The following CD47 variants were observed in gnomAD, a reference collection of about 807,000 sequenced individuals.
The protein encoded by CD47 is leukocyte surface antigen CD47.
In CD47, 11 loss-of-function variants were observed where a neutral mutation model predicts 44.6. The ratio of observed to expected loss-of-function variants is 0.25; its 90% CI spans 0.16 to 0.41. The LOEUF (loss-of-function observed/expected upper bound fraction) is 0.41. Ranked by LOEUF, CD47 falls within the 10% of genes least tolerant of loss-of-function variation. CD47 has a pLI of 1.00. For missense variants in CD47, 306 were observed against 386.7 expected, an observed-to-expected ratio of 0.79 and a Z score of 1.75; for synonymous variants, 140 against 136.3, an observed-to-expected ratio of 1.03 and a Z score of -0.19.
At chr3:108,064,440 A>T (rs1302242356) in intron 3 of CD47, among the ~76,000 whole-genome samples, 3 of 152,218 alleles carry the variant, frequency 2.0e-5, no homozygotes, top group African/African-American at 7.2e-5. Context: ...AAAACAGCTA[A>T]TGTTATGAAT....
chr3:108,070,759 G>T (rs1469992472), intron 3 of CD47, among the ~76,000 whole-genome samples: 2 of 152,174 alleles, frequency 1.3e-5, no homozygotes, highest in East Asian at 3.8e-4. Context: ...GTCACCACCT[G>T]TTTACCTAAT....
chr3:108,081,465 A>C (rs553985132), intron 1 of CD47, among the ~76,000 whole-genome samples: 1 of 152,182 alleles, frequency 6.6e-6, no homozygotes, highest in Admixed American at 6.6e-5. Context: ...TGGAATAAAA[A>C]TCAGAGGCAT....
At chr3:108,057,321 T>C (rs950078310) in intron 7 of CD47, among the ~76,000 whole-genome samples, 156 bp downstream of exon 7, 9 of 152,154 alleles carry the variant, frequency 5.9e-5, no homozygotes, top group Non-Finnish European at 1.3e-4. Context: ...CAACTAAAAA[T>C]CCTATATGTC....
chr3:108,089,633 C>T (rs1257411397), intron 1 of CD47, among the ~76,000 whole-genome samples: 2 of 152,064 alleles, frequency 1.3e-5, no homozygotes, highest in African/African-American at 4.8e-5. Flanking sequence ...CTAACATCAA[C>T]CATTTAGATA....
chr3:108,043,928 AAC>A lies in CD47; in HGVS notation c.*3358_*3359del, dbSNP rs1441638620. On this transcript the variant is annotated 3_prime_UTR_variant, in exon 11 of 11. Transcript: ENST00000361309. ...CCCTATTAGTCACTGAAAATGACCT[AAC>A]AAAGGACCCCAGCAGGTGATGGCAG... The A allele has an allele frequency of 6.5e-6, 1 of 152,688 alleles. No homozygotes were observed. The highest frequency in any genetic ancestry group is 1.9e-4 in the East Asian group (1 of 5,192). The allele number at this position is 152,688 out of a possible 1,614,324, so 9.5% of individuals were successfully genotyped here.
At chr3:108,080,623 G>T (rs2079399366) in intron 1 of CD47, among the ~76,000 whole-genome samples, 1 of 151,864 alleles carries the variant, frequency 6.6e-6, no homozygotes, top group Non-Finnish European at 1.5e-5. Context: ...CAGCAACTAT[G>T]TTGGAACATG....
chr3:108,088,893 C>A (rs763952573), intron 1 of CD47, among the ~76,000 whole-genome samples: 18 of 152,176 alleles, frequency 1.2e-4, no homozygotes, highest in Non-Finnish European at 5.9e-5. Context: ...ACTTCTTTTA[C>A]CACAAAGGCC....
At chr3:108,069,455 G>A (rs902796518) in intron 3 of CD47, among the ~76,000 whole-genome samples, 1 of 148,754 alleles carries the variant, frequency 6.7e-6, no homozygotes, top group Non-Finnish European at 1.5e-5. Context: ...AAGGGAAACA[G>A]GAAATTCACC....
rs1206954794 is a variant in CD47, at chr3:108,049,554, C to CT, written c.967+64dup. 1.4e-5 allele frequency: 14 copies of CT among 1,015,912 alleles called. No homozygotes were observed. In the Admixed American group the frequency reaches 2.5e-4, roughly 18 times the overall value. The allele number at this position is 1,015,912 out of a possible 1,614,324, so 62.9% of individuals were successfully genotyped here. A position where few individuals can be genotyped will look rare whatever the true frequency, so the allele number is the denominator to read the frequency against. On this transcript the variant is annotated intron_variant, in intron 10 of 10. Transcript: ENST00000361309. ...AAAAAAGAGCCACATTTTCAAGAAG[C>CT]TTTTTTGTTTTCCAATGTCCATGTT...
rs201431921 is a variant in CD47, at chr3:108,058,338, C to A, written c.783G>T (p.Ala261=). The A allele has an allele frequency of 6.5e-7, 1 of 1,545,446 alleles. No individual in the cohort carries two copies. The highest frequency in any genetic ancestry group is 1.7e-4 in the Middle Eastern group (1 of 5,954). Reference sequence around the variant, plus strand: ...GGTCTACAGAAAGATGACTCTTACCCGCAATACAGAGACTCAGTCCAACCA... The same window carrying A: ...GGTCTACAGAAAGATGACTCTTACCAGCAATACAGAGACTCAGTCCAACCA... ...LAVVGLSLCI[A]ACIPMHGPLL... is the part of the protein sequence containing the mutation. Residue 261 remains alanine, a splice_region_variant and synonymous_variant, in exon 6 of 11, where the codon GCG becomes GCT. Transcript: ENST00000361309.
intron 7 of CD47, among the ~76,000 whole-genome samples, chr3:108,056,390 C>G (rs575467453): frequency 2.6e-5 from 4 of 152,194 alleles, no homozygotes; most frequent in Admixed American, 2.0e-4. Flanking sequence ...GAATATATGA[C>G]AGAATTGAAT....
chr3:108,066,567 G>A (rs1321191714), intron 3 of CD47, among the ~76,000 whole-genome samples: 2 of 152,360 alleles, frequency 1.3e-5, no homozygotes, highest in East Asian at 3.9e-4. Flanking sequence ...TTTAGGTCAT[G>A]CACAGACAGC....
At chr3:108,084,159 T>G (rs2079472217) in intron 1 of CD47, among the ~76,000 whole-genome samples, 1 of 152,010 alleles carries the variant, frequency 6.6e-6, no homozygotes, top group South Asian at 2.1e-4. Flanking sequence ...ATTTCCTCAC[T>G]TCCAATTCAC....
intron 8 of CD47, among the ~76,000 whole-genome samples, chr3:108,051,495 T>G (rs555105554): frequency 1.3e-5 from 2 of 152,348 alleles, no homozygotes; most frequent in South Asian, 4.1e-4. Context: ...TCCGAACAGA[T>G]GTTTTCAGCA....
intron 7 of CD47, chr3:108,053,490 G>C (rs961101681): frequency 2.0e-5 from 3 of 152,326 alleles, no homozygotes; most frequent in African/African-American, 7.2e-5. Context: ...GGCATGAATA[G>C]GATAAAAAAC....
chr3:108,084,356 G>A (rs182133943), intron 1 of CD47, among the ~76,000 whole-genome samples: 15 of 151,998 alleles, frequency 9.9e-5, no homozygotes, highest in Admixed American at 7.9e-4. Flanking sequence ...TGGCCTCCAT[G>A]GTATCTCCTG....
At chr3:108,073,428 G>A (rs2079247580) in intron 2 of CD47, among the ~76,000 whole-genome samples, 1 of 152,164 alleles carries the variant, frequency 6.6e-6, no homozygotes. Context: ...GAACAATGCA[G>A]AGGACCCTGA....
In CD47 at chr3:108,080,121, T is replaced by G; in HGVS notation, c.270A>C (p.Gln90His). 6.2e-7 allele frequency: 1 copy of G among 1,613,068 alleles called. No individual in the cohort carries two copies. The highest frequency in any genetic ancestry group is 8.5e-7 in the Non-Finnish European group (1 of 1,179,138). The change falls in exon 2 of 11, where the codon CAA (glutamine) becomes CAC (histidine). Residue 90 changes from glutamine (Q) to histidine (H), a missense_variant. Physicochemically the swap from Gln to His is conservative, Grantham distance 24. Around this residue, in one of 5 missense-constraint regions of CD47, gnomAD observed 47 missense variants for 36.2 expected, o/e 1.30. Coordinates refer to ENST00000361309, the MANE Select transcript of CD47 (RefSeq NM_001777.4). Reference sequence around the variant, plus strand: ...TCAAAGAGGCATCTCCTTTTAGTAATTGTGAGACTTCAATTTTTGCACTAC... The same window carrying G: ...TCAAAGAGGCATCTCCTTTTAGTAAGTGTGAGACTTCAATTTTTGCACTAC... Reference protein sequence around the residue: ...DFSSAKIEVSQLLKGDASLKM... With the variant: ...DFSSAKIEVSHLLKGDASLKM...
At chr3:108,065,079 G>A (rs1003132370) in intron 3 of CD47, among the ~76,000 whole-genome samples, 2 of 152,188 alleles carry the variant, frequency 1.3e-5, no homozygotes, top group Non-Finnish European at 2.9e-5. Context: ...TTACTTGACA[G>A]AAGACAAGTT....
Sources: allele counts gnomAD v4.1 joint callset (sites outside exome capture counted in the v4.1 genomes callset), GRCh38; gene constraint gnomAD v4.1.1; regional missense constraint gnomAD v4.1.1; transcripts MANE v1.5; gene names NCBI Gene and HGNC (gene_info 2026-07-23, HGNC 2026-07-21).